The following CDH26 variants were observed in gnomAD, a reference collection of about 807,000 sequenced individuals.
The protein encoded by CDH26 is cadherin 26.
In CDH26, 83 loss-of-function variants were observed where a neutral mutation model predicts 90.3. That is an observed-to-expected ratio of 0.92 (90% CI 0.77 to 1.10). The LOEUF (loss-of-function observed/expected upper bound fraction) is 1.10, where lower values mean the gene tolerates loss of function less well. CDH26 is among the 50% of genes least tolerant of loss of function. The pLI, the probability that CDH26 is intolerant of heterozygous loss-of-function variation, is 0.00. For synonymous variants in CDH26, 397 were observed against 396.3 expected, an observed-to-expected ratio of 1.00 and a Z score of -0.02; for missense variants, 1,013 against 1,037.6, an observed-to-expected ratio of 0.98 and a Z score of 0.33.
intron 7 of CDH26, among the ~76,000 whole-genome samples, chr20:60,023,692 G>A (rs1370480983): frequency 6.6e-6 from 1 of 152,206 alleles, no homozygotes; most frequent in African/African-American, 2.4e-5. Context: ...TGCTAATGGA[G>A]GCACTCTACC....
intron 2 of CDH26, among the ~76,000 whole-genome samples, 192 bp from the exon 3 acceptor site, chr20:59,969,890 G>A (rs1409227310): frequency 6.6e-6 from 1 of 152,240 alleles, no homozygotes; most frequent in African/African-American, 2.4e-5. Flanking sequence ...TCCACCCCGT[G>A]GTTAGAGATG....
chr20:60,026,537 G>A (rs1052359899), intron 7 of CDH26, among the ~76,000 whole-genome samples: 2 of 152,118 alleles, frequency 1.3e-5, no homozygotes, highest in African/African-American at 4.8e-5. Flanking sequence ...ACAAGCCAAG[G>A]AATGTGGATG....
intron 7 of CDH26, among the ~76,000 whole-genome samples, chr20:60,024,662 A>AT (rs2061982530): frequency 6.6e-6 from 1 of 152,200 alleles, no homozygotes; most frequent in Non-Finnish European, 1.5e-5. Context: ...AGAGATGAGC[A>AT]TGTTCTGTGT....
At chr20:59,989,534 C>CAAAAA (rs924037162) in intron 9 of CDH26, among the ~76,000 whole-genome samples, 25 of 74,084 alleles carry the variant, frequency 3.4e-4, no homozygotes, top group East Asian at 5.2e-4. Flanking sequence ...GACTCCGTCT[C>CAAAAA]AAAAAAAAAA....
At position 59,985,138 on chromosome 20, in the gene CDH26, C is replaced by T; in HGVS notation, c.837+9C>T. ...CATTTACCCAGGAGAACGTGAGGCT[C>T]CTGGGCCGCCCCAACGTCTAAGCCC... On this transcript the variant is annotated intron_variant, in intron 7 of 17. Transcript: ENST00000348616. 1 of 1,609,444 alleles carries T rather than the reference C, an allele frequency of 6.2e-7. No homozygotes were observed. Among genetic ancestry groups the T allele is most frequent in the South Asian group, 1.1e-5 (1 of 90,376 alleles).
At chr20:60,022,811 C>T (rs545053378) in intron 7 of CDH26, among the ~76,000 whole-genome samples, 1 of 152,332 alleles carries the variant, frequency 6.6e-6, no homozygotes, top group Admixed American at 6.5e-5. Flanking sequence ...TGAAAACAGT[C>T]CTTTCACTGT....
Position 59,995,737 on chromosome 20 carries a change from C to T in CDH26, c.1667-96C>T, listed in dbSNP as rs1016864103. On this transcript the variant is annotated intron_variant, in intron 11 of 17. Transcript: ENST00000348616. ...ACTCTGCAGTTGGCTTACTTTCATA[C>T]AGAGCTTGGCCCGTGCAGGGCGTTC... is the stretch of plus-strand genomic sequence containing the variant. 3 of 1,126,222 alleles carry T rather than the reference C, an allele frequency of 2.7e-6. No homozygotes were observed. In the East Asian group the frequency reaches 7.2e-5, roughly 27 times the overall value. The allele number at this position is 1,126,222 out of a possible 1,614,324, so 69.8% of individuals were successfully genotyped here. A position where few individuals can be genotyped will look rare whatever the true frequency, so the allele number is the denominator to read the frequency against.
At chr20:60,015,447 G>A (rs754672645), downstream of CDH26, among the ~76,000 whole-genome samples, 1 of 152,266 alleles carries the variant, frequency 6.6e-6, no homozygotes, top group African/African-American at 2.4e-5. Flanking sequence ...CATCTGTTCA[G>A]ATCATTTACC....
intron 7 of CDH26, 90 bp downstream of exon 7, chr20:59,985,219 C>A: frequency 6.8e-7 from 1 of 1,475,888 alleles, no homozygotes; most frequent in Non-Finnish European, 9.3e-7. Flanking sequence ...GGGTGTTAGG[C>A]TGTTATCATA....
intron 3 of CDH26, among the ~76,000 whole-genome samples, chr20:59,970,739 G>A (rs2061250196): frequency 6.6e-6 from 1 of 151,664 alleles, no homozygotes; most frequent in Non-Finnish European, 1.5e-5. Flanking sequence ...GAACCCAGGA[G>A]GCGGAGCTTG....
Position 60,001,333 on chromosome 20 carries a change from T to C in CDH26, c.2098-10T>C, listed in dbSNP as rs200055273. ...ATTCTCTTTTGAGTAAATCAGCATT[T>C]TCCCTCTAGGATCTCGAGGAAGTGC... On this transcript the variant is annotated splice_polypyrimidine_tract_variant and intron_variant, in intron 14 of 17. Coordinates refer to ENST00000348616, the MANE Select transcript of CDH26 (RefSeq NM_177980.4). 1.2e-6 allele frequency: 2 copies of C among 1,613,920 alleles called. No homozygotes were observed. Among genetic ancestry groups the C allele is most frequent in the East Asian group, 2.2e-5 (1 of 44,882 alleles).
Position 59,960,988 on chromosome 20 carries a change from T to C in CDH26, c.69+2193T>C, listed in dbSNP as rs556285871. Among the ~76,000 whole-genome samples the C allele has an allele frequency of 5.3e-5, 8 of 152,370 alleles. No homozygotes were observed. In the East Asian group the frequency reaches 1.5e-3, roughly 29 times the overall value. ...GGGGAAAACCCTGTCTGAAAGTGGA[T>C]AACTTGTTTGGTACCAGTTGCTTGA... On this transcript the variant is annotated intron_variant, in intron 1 of 17. Transcript: ENST00000348616.
chr20:59,967,876 T>TCTTTCTTTCTTCCTTCCTTC (rs1555894031), intron 1 of CDH26, among the ~76,000 whole-genome samples: 1 of 54,624 alleles, frequency 1.8e-5, no homozygotes, highest in Non-Finnish European at 3.4e-5. Context: ...TTTCTTTCTT[T>TCTTTCTTTCTTCCTTCCTTC]CTTCCTTCCT....
downstream of CDH26, among the ~76,000 whole-genome samples, chr20:60,019,080 C>T (rs983473402): frequency 6.6e-6 from 1 of 152,136 alleles, no homozygotes; most frequent in Admixed American, 6.5e-5. Context: ...GAGAAATCCG[C>T]AGTCTAATGG....
At chr20:60,025,484 T>C (rs2061989548) in intron 7 of CDH26, among the ~76,000 whole-genome samples, 1 of 152,204 alleles carries the variant, frequency 6.6e-6, no homozygotes, top group Non-Finnish European at 1.5e-5. Context: ...TGTCACAGTG[T>C]CCTTTTGAGC....
At chr20:60,025,618 G>T (rs188399478) in intron 7 of CDH26, among the ~76,000 whole-genome samples, 1 of 152,182 alleles carries the variant, frequency 6.6e-6, no homozygotes, top group African/African-American at 2.4e-5. Flanking sequence ...AGATGAACTC[G>T]TTACCTGAGG....
intron 4 of CDH26, among the ~76,000 whole-genome samples, chr20:59,979,198 A>ATTTTT (rs548400785): frequency 1.6e-5 from 2 of 123,720 alleles, no homozygotes; most frequent in African/African-American, 6.2e-5. Flanking sequence ...TTCTTCTTCT[A>ATTTTT]TTTTTTTTTT....
rs933785205 is a variant in CDH26, at chr20:60,013,010, G to A, written c.*280G>A. 4 of 296,700 alleles carry A rather than the reference G, an allele frequency of 1.3e-5. No homozygotes were observed. The highest frequency in any genetic ancestry group is 6.6e-5 in the African/African-American group (3 of 45,512). The allele number at this position is 296,700 out of a possible 1,614,324, so 18.4% of individuals were successfully genotyped here. On this transcript the variant is annotated 3_prime_UTR_variant, in exon 18 of 18. Coordinates refer to ENST00000348616, the MANE Select transcript of CDH26 (RefSeq NM_177980.4). ...GTGTTATTCTTAGCTTCCACTGGCAGCCTAGCTTTGAGGGTAAATGAAAAT... is the reference window on the plus strand; with the variant it reads ...GTGTTATTCTTAGCTTCCACTGGCAACCTAGCTTTGAGGGTAAATGAAAAT...
intron 4 of CDH26, among the ~76,000 whole-genome samples, chr20:59,973,159 G>C (rs137987397): frequency 6.6e-6 from 1 of 152,192 alleles, no homozygotes; most frequent in Non-Finnish European, 1.5e-5. Context: ...ATCACCTAGG[G>C]ATCTTGGTAA....
Sources: allele counts gnomAD v4.1 joint callset (sites outside exome capture counted in the v4.1 genomes callset), GRCh38; gene constraint gnomAD v4.1.1; transcripts MANE v1.5; gene names NCBI Gene and HGNC (gene_info 2026-07-23, HGNC 2026-07-21).